The following LEO1 variants were observed in gnomAD, a reference collection of about 807,000 sequenced individuals.
The protein encoded by LEO1 is LEO1 component of Paf1/RNA polymerase II complex, also known as RNA polymerase-associated protein LEO1.
In LEO1, 34 loss-of-function variants were observed where a neutral mutation model predicts 80.4. That is an observed-to-expected ratio of 0.42 (90% CI 0.32 to 0.56). LEO1 has a LOEUF of 0.56. LEO1 is among the 20% of genes least tolerant of loss of function. The probability of loss-of-function intolerance (pLI) is 0.10; values close to 1 mark genes in which losing one functional copy is unlikely to be tolerated. For missense variants in LEO1, 631 were observed against 814.2 expected (o/e 0.77, Z 2.74); for synonymous variants, 262 against 274.9 (o/e 0.95, Z 0.46).
chr15:51,969,687 C>A (rs1442902455), intron 1 of LEO1, among the ~76,000 whole-genome samples: 2 of 151,796 alleles, frequency 1.3e-5, no homozygotes, highest in Admixed American at 1.3e-4. Context: ...ACTTAAAATA[C>A]AAAAATTAGT....
Position 51,965,977 on chromosome 15 carries a change from G to A in LEO1, c.586C>T (p.Leu196Phe). ...AGCTGTTGTCTCTCATCATCGGAAA[G>A]CTGAGGCCTCTCCTCATCATCTGTG... ...QNTDDEERPQ[L>F]SDDERQQLSE... Residue 196 changes from leucine (L) to phenylalanine (F), a missense_variant, in exon 2 of 12, where the codon CTT becomes TTT. By Grantham distance (22) the Leu-to-Phe change is conservative. Transcript: ENST00000299601. The A allele has an allele frequency of 1.9e-6, 3 of 1,614,074 alleles. No individual in the cohort carries two copies. In the Middle Eastern group the frequency reaches 4.9e-4, roughly 266 times the overall value.
intron 2 of LEO1, among the ~76,000 whole-genome samples, chr15:51,964,841 G>T (rs1452277200): frequency 9.2e-5 from 14 of 152,178 alleles, no homozygotes; most frequent in Non-Finnish European, 1.5e-5. Flanking sequence ...ATAATACAAA[G>T]AAATATGATC....
At chr15:51,970,003 C>A (rs2057110289) in intron 1 of LEO1, among the ~76,000 whole-genome samples, 1 of 151,940 alleles carries the variant, frequency 6.6e-6, no homozygotes. Context: ...AAAGGGAACC[C>A]TGGTGCATTG....
At chr15:51,949,528 C>T (rs567478784) in intron 10 of LEO1, among the ~76,000 whole-genome samples, 41 of 151,912 alleles carry the variant, frequency 2.7e-4, no homozygotes, top group Admixed American at 8.5e-4. Context: ...GGTGAAACCC[C>T]GTCTCTACTA....
intron 1 of LEO1, among the ~76,000 whole-genome samples, chr15:51,967,672 C>T (rs1053829663): frequency 6.6e-6 from 1 of 152,132 alleles, no homozygotes. Context: ...ATATGAGGAA[C>T]GCTCAATAAG....
At chr15:51,947,669 CCTT>C (rs1483147900) in intron 10 of LEO1, among the ~76,000 whole-genome samples, 2 of 145,048 alleles carry the variant, frequency 1.4e-5, no homozygotes, top group South Asian at 2.3e-4. Context: ...AAGCGATCCT[CCTT>C]CTTCAGCCCC....
At chr15:51,950,126 A>C in intron 9 of LEO1, 132 bp from the exon 10 acceptor site, 1 of 789,344 alleles carries the variant, frequency 1.3e-6, no homozygotes, top group East Asian at 2.8e-5. Context: ...TCCCCATCCC[A>C]CCTCTGTGGC....
In LEO1 at chr15:51,956,402, G is replaced by A. The variant is rs376214831; in HGVS notation, c.1246-1827C>T. On this transcript the variant is annotated intron_variant, in intron 6 of 11. Coordinates refer to ENST00000299601, the MANE Select transcript of LEO1 (RefSeq NM_138792.4). ...GCCACTGCATTCCAGCCTGGGCGAC[G>A]ACAGAGCAAGACTCCATCTCAAAAA... Among the ~76,000 whole-genome samples the A allele has an allele frequency of 1.6e-3, 196 of 118,868 alleles. 8 individuals are homozygous for A. The highest frequency in any genetic ancestry group is 0.011 in the East Asian group (44 of 3,928). 78.0% of individuals were successfully genotyped at this position (118,868 alleles called of 152,430 possible).
At chr15:51,968,830 A>G (rs1359500535) in intron 1 of LEO1, among the ~76,000 whole-genome samples, 6 of 140,926 alleles carry the variant, frequency 4.3e-5, no homozygotes, top group Non-Finnish European at 7.4e-5. Flanking sequence ...CTCCGTCTCA[A>G]AAAAAAAAAG....
chr15:51,952,700 G>C (rs571487672), intron 8 of LEO1, among the ~76,000 whole-genome samples: 1 of 152,254 alleles, frequency 6.6e-6, no homozygotes, highest in Non-Finnish European at 1.5e-5. Context: ...CGGGGCCTAC[G>C]GCACTGAGAT....
At chr15:51,938,971 G>A (rs949462723) in intron 11 of LEO1, among the ~76,000 whole-genome samples, 2 of 152,180 alleles carry the variant, frequency 1.3e-5, no homozygotes, top group Admixed American at 6.5e-5. Flanking sequence ...GATCACCTGA[G>A]GTCAGGAGTT....
At chr15:51,965,616 G>A (rs1469407962) in intron 2 of LEO1, 133 bp downstream of exon 2, 7 of 1,208,618 alleles carry the variant, frequency 5.8e-6, no homozygotes, top group Non-Finnish European at 7.9e-6. Flanking sequence ...GTATTCTAGA[G>A]TTAGAAAAGT....
At chr15:51,967,447 T>C (rs745470128) in intron 1 of LEO1, among the ~76,000 whole-genome samples, 1 of 152,292 alleles carries the variant, frequency 6.6e-6, no homozygotes, top group East Asian at 1.9e-4. Flanking sequence ...CACTCTAGCC[T>C]GAGTGACAAA....
Position 51,953,257 on chromosome 15 carries a change from G to A in LEO1, c.1347C>T (p.Ser449=), listed in dbSNP as rs2056963163. Residue 449 remains serine (S), a synonymous_variant, in exon 8 of 12, where the codon TCC becomes TCT. Transcript: ENST00000299601. ...CAAACACTTCATTGCCTAAATGCAG[G>A]GACATGCTGGAAAGAGAAACATTTC... ...RIVKWSDGSM[S]LHLGNEVFDV... 1 of 1,611,634 alleles carries A rather than the reference G, an allele frequency of 6.2e-7. No homozygotes were observed. The highest frequency in any genetic ancestry group is 8.5e-7 in the Non-Finnish European group (1 of 1,179,280).
At chr15:51,949,716 A>G (rs1045298574) in intron 10 of LEO1, 92 bp downstream of exon 10, 34 of 1,126,538 alleles carry the variant, frequency 3.0e-5, no homozygotes, top group Non-Finnish European at 4.2e-5. Flanking sequence ...AAAAAAAAAA[A>G]GTCCAGTGAC....
chr15:51,940,082 C>T lies in LEO1; in HGVS notation c.1897-1822G>A, dbSNP rs530231872. 2.6e-5 allele frequency among the ~76,000 whole-genome samples: 4 copies of T among 151,538 alleles called. No individual in the cohort carries two copies. In the East Asian group the frequency reaches 7.8e-4, roughly 30 times the overall value. ...CAGCCTGACCAAGACAGTGAAACCC[C>T]GTCTCTACTAAAAATACAAAAAATT... On this transcript the variant is annotated intron_variant, in intron 11 of 11. Coordinates refer to ENST00000299601, the MANE Select transcript of LEO1 (RefSeq NM_138792.4).
At chr15:51,953,604 G>A (rs1193474650) in intron 7 of LEO1, among the ~76,000 whole-genome samples, 1 of 151,488 alleles carries the variant, frequency 6.6e-6, no homozygotes, top group Non-Finnish European at 1.5e-5. Flanking sequence ...TGGGCGACAG[G>A]ACAAGACTCC....
Position 51,963,944 on chromosome 15 carries a change from C to T in LEO1, c.815-1451G>A, listed in dbSNP as rs139395414. On this transcript the variant is annotated intron_variant, in intron 2 of 11. Coordinates refer to ENST00000299601, the MANE Select transcript of LEO1 (RefSeq NM_138792.4). ...ATGAGTGGCCGGGCGCAGTGGCTCA[C>T]GCCTGTAATCCCAGCACTTTGGGAG... Among the ~76,000 whole-genome samples, 376 of 146,904 alleles carry T rather than the reference C, an allele frequency of 2.6e-3. 6 individuals carry two copies. Among genetic ancestry groups the T allele is most frequent in the African/African-American group, 8.9e-3 (354 of 39,694 alleles).
intron 11 of LEO1, among the ~76,000 whole-genome samples, chr15:51,941,967 A>G (rs1260349578): frequency 4.6e-5 from 7 of 152,248 alleles, no homozygotes; most frequent in African/African-American, 1.7e-4. Context: ...TCACTCTAAT[A>G]TAGACTGGCC....
Sources: allele counts gnomAD v4.1 joint callset (sites outside exome capture counted in the v4.1 genomes callset), GRCh38; gene constraint gnomAD v4.1.1; transcripts MANE v1.5; gene names NCBI Gene and HGNC (gene_info 2026-07-23, HGNC 2026-07-21).